The following KHDRBS2 variants were observed in gnomAD, a reference collection of about 807,000 sequenced individuals.
KHDRBS2 encodes the protein KH domain-containing, RNA-binding, signal transduction-associated protein 2.
In KHDRBS2, 26 loss-of-function variants were observed where a neutral mutation model predicts 44.3. The ratio of observed to expected loss-of-function variants is 0.59; its 90% CI spans 0.43 to 0.81. KHDRBS2 has a LOEUF of 0.81. Among genes scored for constraint, KHDRBS2 ranks in the 40% least tolerant of loss-of-function variants. The pLI is 0.00. For synonymous variants in KHDRBS2, 194 were observed against 151.1 expected (o/e 1.28, Z -2.08); for missense variants, 476 against 433.1 (o/e 1.10, Z -0.88).
chr6:61,580,777 G>A, the KHDRBS2 span, among the ~76,000 whole-genome samples: 3 of 151,920 alleles, frequency 2.0e-5, no homozygotes, highest in African/African-American at 4.8e-5. Context: ...GGGACCGACC[G>A]GTCCGGACAC....
intron 6 of KHDRBS2, among the ~76,000 whole-genome samples, chr6:61,842,865 T>C (rs1408887010): frequency 7.2e-5 from 11 of 152,052 alleles, no homozygotes. Flanking sequence ...GGTATATCTG[T>C]AATCTATACA....
chr6:61,936,455 T>C lies in KHDRBS2; in HGVS notation c.484-35084A>G, dbSNP rs181795933. 2.0e-3 allele frequency among the ~76,000 whole-genome samples: 302 copies of C among 152,170 alleles called. 2 individuals are homozygous for C. The highest frequency in any genetic ancestry group is 7.1e-3 in the African/African-American group (296 of 41,580). ...TTATTTTTCATTTAGTGTTATCCTG[T>C]ATCTCCCTCTACATTGCTTTAACCA... On this transcript the variant is annotated intron_variant, in intron 4 of 8. Transcript: ENST00000281156.
chr6:61,665,052 T>C, the KHDRBS2 span, among the ~76,000 whole-genome samples: 2 of 151,600 alleles, frequency 1.3e-5, no homozygotes, highest in African/African-American at 4.8e-5. Flanking sequence ...CTCTAATTCA[T>C]GTCTAGTCTA....
At chr6:62,252,979 G>A (rs1295587577) in intron 1 of KHDRBS2, among the ~76,000 whole-genome samples, 1 of 151,902 alleles carries the variant, frequency 6.6e-6, no homozygotes, top group Non-Finnish European at 1.5e-5. Flanking sequence ...CAACTAGAAT[G>A]GCATATATGA....
intron 7 of KHDRBS2, among the ~76,000 whole-genome samples, chr6:61,713,180 G>T (rs181054485): frequency 5.3e-5 from 8 of 151,740 alleles, no homozygotes; most frequent in Admixed American, 1.3e-4. Flanking sequence ...AACATCTGGT[G>T]TACAGCATTG....
intron 3 of KHDRBS2, among the ~76,000 whole-genome samples, chr6:62,003,437 A>C (rs1778635558): frequency 6.6e-6 from 1 of 152,162 alleles, no homozygotes; most frequent in South Asian, 2.1e-4. Flanking sequence ...ACATCTTTCA[A>C]CTTCATGATT....
At chr6:61,579,772 G>T in the KHDRBS2 span, among the ~76,000 whole-genome samples, 1 of 152,024 alleles carries the variant, frequency 6.6e-6, no homozygotes, top group African/African-American at 2.4e-5. Context: ...AAATGTGAAA[G>T]GCAGGCTGGG....
chr6:61,732,582 A>G, intron 7 of KHDRBS2, 100 bp downstream of exon 7: 1 of 740,376 alleles, frequency 1.4e-6, no homozygotes, highest in East Asian at 2.5e-5. Flanking sequence ...AAAAAACACT[A>G]CTAGAAATTC....
intron 6 of KHDRBS2, among the ~76,000 whole-genome samples, chr6:61,781,103 T>C (rs766899665): frequency 3.3e-4 from 50 of 152,290 alleles, no homozygotes; most frequent in Non-Finnish European, 5.4e-4. Context: ...GAGGAAAATA[T>C]GTCTAATCAT....
At chr6:62,063,261 C>A (rs1792526207) in intron 2 of KHDRBS2, among the ~76,000 whole-genome samples, 1 of 147,718 alleles carries the variant, frequency 6.8e-6, no homozygotes, top group Non-Finnish European at 1.5e-5. Flanking sequence ...AAGAGGGAAT[C>A]CTCCCTAACT....
At chr6:61,656,922 T>C in the KHDRBS2 span, among the ~76,000 whole-genome samples, 127,167 of 151,928 alleles carry the variant, frequency 0.84, 53,471 homozygotes, top group Non-Finnish European at 0.88. Context: ...TATTTAATCA[T>C]TGCTTATAAA....
At chr6:62,058,012 C>A (rs1026032844) in intron 2 of KHDRBS2, among the ~76,000 whole-genome samples, 6 of 151,818 alleles carry the variant, frequency 4.0e-5, no homozygotes, top group African/African-American at 1.4e-4. Context: ...TAATATTGGG[C>A]ATATATATTT....
chr6:61,611,365 A>T, the KHDRBS2 span, among the ~76,000 whole-genome samples: 1 of 152,212 alleles, frequency 6.6e-6, no homozygotes, highest in African/African-American at 2.4e-5. Context: ...ATAGAAAGAG[A>T]CACATATGGA....
chr6:61,911,697 C>A (rs1161908735), intron 4 of KHDRBS2, among the ~76,000 whole-genome samples: 3 of 151,890 alleles, frequency 2.0e-5, no homozygotes, highest in African/African-American at 7.3e-5. Context: ...CCTAGAAATT[C>A]TCCTATATTT....
At chr6:62,136,462 G>A (rs1190578571) in intron 2 of KHDRBS2, among the ~76,000 whole-genome samples, 2 of 152,146 alleles carry the variant, frequency 1.3e-5, no homozygotes, top group Admixed American at 1.3e-4. Flanking sequence ...TAAAGTTTCA[G>A]CATCATTCAT....
intron 4 of KHDRBS2, among the ~76,000 whole-genome samples, chr6:61,975,275 G>A (rs116474606): frequency 1.2e-3 from 178 of 152,272 alleles, no homozygotes; most frequent in African/African-American, 4.1e-3. Flanking sequence ...AGAACAAGAT[G>A]TCAGTGGAAT....
intron 4 of KHDRBS2, among the ~76,000 whole-genome samples, chr6:61,921,113 A>G (rs1271192840): frequency 6.6e-6 from 1 of 152,014 alleles, no homozygotes; most frequent in African/African-American, 2.4e-5. Flanking sequence ...ATAAACAAAG[A>G]TAATGTAAAT....
chr6:61,796,329 T>C (rs997150180), intron 6 of KHDRBS2, among the ~76,000 whole-genome samples: 1 of 152,004 alleles, frequency 6.6e-6, no homozygotes. Context: ...TGAATGATTA[T>C]GTAATTAGCA....
chr6:62,073,530 C>CTTTTTTTTTTTTTTTTTTTTTTTTTTCT (rs60124030), intron 2 of KHDRBS2, among the ~76,000 whole-genome samples: 1 of 124,414 alleles, frequency 8.0e-6, no homozygotes, highest in Non-Finnish European at 1.7e-5. Context: ...TTTCTTTTTT[C>CTTTTTTTTTTTTTTTTTTTTTTTTTTCT]TTTTTTTTTT....
Sources: allele counts gnomAD v4.1 joint callset (sites outside exome capture counted in the v4.1 genomes callset), GRCh38; gene constraint gnomAD v4.1.1; transcripts MANE v1.5; gene names NCBI Gene and HGNC (gene_info 2026-07-23, HGNC 2026-07-21).